MNAT1: variants seen among roughly 807,000 people sequenced by gnomAD.
MNAT1 encodes CDK-activating kinase assembly factor MAT1.
MNAT1 carries 43 observed loss-of-function variants against 42.0 expected under a neutral mutation model. The ratio of observed to expected loss-of-function variants is 1.02; its 90% CI spans 0.80 to 1.32. MNAT1 has a LOEUF of 1.32. MNAT1 is among the 40% of genes most tolerant of loss of function. MNAT1 has a pLI of 0.00. For synonymous variants in MNAT1, 118 were observed against 120.0 expected (o/e 0.98, Z 0.11); for missense variants, 306 against 350.4 (o/e 0.87, Z 1.01).
intron 7 of MNAT1, among the ~76,000 whole-genome samples, chr14:60,943,744 C>G (rs1207030595): frequency 6.6e-6 from 1 of 151,978 alleles, no homozygotes; most frequent in Non-Finnish European, 1.5e-5. Flanking sequence ...ATATATACAT[C>G]TTTTGAATGT....
intron 7 of MNAT1, among the ~76,000 whole-genome samples, chr14:60,922,869 A>G (rs2035691162): frequency 6.6e-6 from 1 of 152,180 alleles, no homozygotes. Flanking sequence ...GTTTATAAAG[A>G]CAAACTGGAA....
chr14:60,968,123 C>T, intron 7 of MNAT1, 106 bp from the exon 8 acceptor site: 8 of 800,518 alleles, frequency 1.0e-5, no homozygotes, highest in South Asian at 5.1e-5. Context: ...ATTTCAATCT[C>T]GGAATTCCTC....
chr14:60,909,127 A>C (rs2035285030), intron 7 of MNAT1, among the ~76,000 whole-genome samples: 1 of 152,166 alleles, frequency 6.6e-6, no homozygotes. Context: ...TCTTCTTTTG[A>C]GAAGTGTGTG....
At chr14:60,756,861 AT>A (rs1348233520) in intron 1 of MNAT1, among the ~76,000 whole-genome samples, 2 of 152,168 alleles carry the variant, frequency 1.3e-5, no homozygotes, top group Non-Finnish European at 2.9e-5. Flanking sequence ...AAAATCAATC[AT>A]GCTGTCTTGT....
At chr14:60,761,461 G>C (rs1489520825) in intron 1 of MNAT1, among the ~76,000 whole-genome samples, 1 of 152,148 alleles carries the variant, frequency 6.6e-6, no homozygotes, top group Non-Finnish European at 1.5e-5. Context: ...GGAGAAGAAA[G>C]TGACTTTTAA....
chr14:60,739,649 A>G (rs1030902217), intron 1 of MNAT1, among the ~76,000 whole-genome samples: 1 of 152,208 alleles, frequency 6.6e-6, no homozygotes, highest in Admixed American at 6.5e-5. Flanking sequence ...GCACAAATGA[A>G]TTGATTGTAT....
At chr14:60,849,481 G>A (rs960644860) in intron 6 of MNAT1, among the ~76,000 whole-genome samples, 2 of 152,080 alleles carry the variant, frequency 1.3e-5, no homozygotes, top group South Asian at 2.1e-4. Flanking sequence ...TTTAGTATAC[G>A]CCTAAAGTCA....
intron 1 of MNAT1, among the ~76,000 whole-genome samples, chr14:60,794,813 A>C (rs1421195377): frequency 6.6e-6 from 1 of 151,664 alleles, no homozygotes; most frequent in Non-Finnish European, 1.5e-5. Context: ...TATTTAGCTT[A>C]TTCTGTAAGT....
chr14:60,913,810 G>C (rs181538009), intron 7 of MNAT1, among the ~76,000 whole-genome samples: 1 of 152,322 alleles, frequency 6.6e-6, no homozygotes, highest in Admixed American at 6.5e-5. Context: ...TCGGTGTTCA[G>C]ATCTCCAGCT....
At chr14:60,780,492 C>G in intron 1 of MNAT1, 4 of 1,515,396 alleles carry the variant, frequency 2.6e-6, no homozygotes, top group Non-Finnish European at 3.7e-6. Context: ...GAGTCGGGAC[C>G]ACAGTTTATT....
Position 60,877,580 on chromosome 14 carries a change from G to A in MNAT1, c.688-2134G>A, listed in dbSNP as rs191078559. Among the ~76,000 whole-genome samples, 136 of 152,082 alleles carry A rather than the reference G, an allele frequency of 8.9e-4. 1 individual carries two copies. Among genetic ancestry groups the A allele is most frequent in the Middle Eastern group, 6.8e-3 (2 of 294 alleles). Reference sequence around the variant, plus strand: ...CAAAAAAATTTATAAACTAGAAATTGGAGGAATTAATAACTGCAAGAATGG... The same window carrying A: ...CAAAAAAATTTATAAACTAGAAATTAGAGGAATTAATAACTGCAAGAATGG... On this transcript the variant is annotated intron_variant, in intron 6 of 7. Transcript: ENST00000261245.
At chr14:60,796,408 G>T in intron 2 of MNAT1, 39 bp downstream of exon 2, 1 of 1,571,758 alleles carries the variant, frequency 6.4e-7, no homozygotes, top group African/African-American at 1.4e-5. Flanking sequence ...CAACAAAGAG[G>T]ACTTTAACAA....
At chr14:60,818,128 A>G (rs1343600902) in intron 5 of MNAT1, among the ~76,000 whole-genome samples, 1 of 152,040 alleles carries the variant, frequency 6.6e-6, no homozygotes, top group Non-Finnish European at 1.5e-5. Context: ...TGCTTATGGT[A>G]TTAAAATGTG....
At chr14:60,750,431 C>T (rs1594722449) in intron 1 of MNAT1, among the ~76,000 whole-genome samples, 1 of 151,434 alleles carries the variant, frequency 6.6e-6, no homozygotes, top group East Asian at 1.9e-4. Context: ...AGGGTTTCAC[C>T]ATGTTAGCCA....
chr14:60,860,300 A>G (rs2034064063), intron 6 of MNAT1, among the ~76,000 whole-genome samples: 1 of 149,522 alleles, frequency 6.7e-6, no homozygotes, highest in African/African-American at 2.5e-5. Context: ...TATCCTTTAA[A>G]TTTATTTATT....
At chr14:60,853,632 A>G (rs1378352583) in intron 6 of MNAT1, among the ~76,000 whole-genome samples, 2 of 152,212 alleles carry the variant, frequency 1.3e-5, no homozygotes, top group Admixed American at 6.5e-5. Flanking sequence ...CCAGTTTTCA[A>G]AGGGAATGCT....
intron 6 of MNAT1, among the ~76,000 whole-genome samples, chr14:60,845,816 A>G (rs575945690): frequency 1.3e-5 from 2 of 152,246 alleles, no homozygotes; most frequent in Admixed American, 1.3e-4. Context: ...GACTTAGTGT[A>G]AAGTTTTTGT....
At chr14:60,760,724 T>C (rs2030564465) in intron 1 of MNAT1, among the ~76,000 whole-genome samples, 1 of 152,200 alleles carries the variant, frequency 6.6e-6, no homozygotes, top group South Asian at 2.1e-4. Flanking sequence ...TACTATGAGA[T>C]CTATTCTTTG....
At chr14:60,787,508 T>TA (rs2031688406) in intron 1 of MNAT1, among the ~76,000 whole-genome samples, 1 of 152,196 alleles carries the variant, frequency 6.6e-6, no homozygotes, top group African/African-American at 2.4e-5. Context: ...GGTGATTTCT[T>TA]AAAATGAGAC....
Sources: gnomAD v4.1 joint callset for allele counts (sites outside exome capture counted in the v4.1 genomes callset) on GRCh38, gnomAD v4.1.1 for gene constraint, MANE v1.5 for transcripts, NCBI Gene and HGNC (gene_info 2026-07-23, HGNC 2026-07-21) for gene names.